CSMD1: variants seen among roughly 807,000 people sequenced by gnomAD.
The protein encoded by CSMD1 is CUB and Sushi multiple domains 1.
Under a neutral mutation model 417.5 loss-of-function variants are expected in CSMD1, and 213 were observed. The observed-to-expected ratio is 0.51, with a 90% CI of 0.46 to 0.57. CSMD1 has a LOEUF of 0.57. Ranked by LOEUF, CSMD1 falls within the 20% of genes least tolerant of loss-of-function variation. The probability of loss-of-function intolerance (pLI) is 0.00; values close to 1 mark genes in which losing one functional copy is unlikely to be tolerated. For missense variants in CSMD1, 6,923 were observed against 4,529.7 expected, an observed-to-expected ratio of 1.53 and a Z score of -15.17; for synonymous variants, 2,862 against 1,736.8, an observed-to-expected ratio of 1.65 and a Z score of -16.11.
At chr8:4,016,904 C>G (rs1327436713) in intron 4 of CSMD1, among the ~76,000 whole-genome samples, 1 of 152,168 alleles carries the variant, frequency 6.6e-6, no homozygotes, top group African/African-American at 2.4e-5. Context: ...AACACAATCC[C>G]AAATGCCATA....
At chr8:4,982,179 T>G (rs935854654) in intron 1 of CSMD1, among the ~76,000 whole-genome samples, 1 of 152,208 alleles carries the variant, frequency 6.6e-6, no homozygotes, top group African/African-American at 2.4e-5. Context: ...TGCCAAGCCA[T>G]GCACAGACCC....
chr8:3,998,246 A>C, intron 4 of CSMD1, 136 bp from the exon 5 acceptor site: 1 of 687,336 alleles, frequency 1.5e-6, no homozygotes, highest in East Asian at 2.7e-5. Flanking sequence ...TCTGAAAAAG[A>C]ATCTTTTGGT....
intron 3 of CSMD1, among the ~76,000 whole-genome samples, chr8:4,370,151 A>G (rs1015294431): frequency 6.6e-6 from 1 of 151,632 alleles, no homozygotes; most frequent in Admixed American, 6.6e-5. Context: ...TCAACAAATT[A>G]CCTTAGCTTT....
At chr8:3,341,317 A>G (rs192517285) in intron 23 of CSMD1, among the ~76,000 whole-genome samples, 3 of 152,182 alleles carry the variant, frequency 2.0e-5, no homozygotes, top group Non-Finnish European at 4.4e-5. Flanking sequence ...AGAATTATGG[A>G]AACAGCTCAG....
At chr8:3,651,555 G>A (rs1213544554) in intron 7 of CSMD1, among the ~76,000 whole-genome samples, 2 of 152,092 alleles carry the variant, frequency 1.3e-5, no homozygotes, top group African/African-American at 4.8e-5. Context: ...TATTAATGAG[G>A]TCTTGGCTGG....
At chr8:4,515,828 A>C (rs1803086557) in intron 2 of CSMD1, among the ~76,000 whole-genome samples, 1 of 152,174 alleles carries the variant, frequency 6.6e-6, no homozygotes, top group South Asian at 2.1e-4. Flanking sequence ...TTATTTCTTC[A>C]TTGCAGGCTG....
intron 18 of CSMD1, 63 bp downstream of exon 18, chr8:3,387,431 G>A (rs1811073141): frequency 2.2e-6 from 3 of 1,394,340 alleles, no homozygotes; most frequent in Non-Finnish European, 2.9e-6. Context: ...CACCCAGCTA[G>A]TTAGACGTGT....
chr8:3,174,345 A>G (rs533617639), intron 37 of CSMD1, among the ~76,000 whole-genome samples: 29 of 152,252 alleles, frequency 1.9e-4, no homozygotes, highest in South Asian at 6.2e-4. Context: ...AATACAAAAA[A>G]TTAGCTGGGT....
intron 37 of CSMD1, among the ~76,000 whole-genome samples, chr8:3,162,820 A>T (rs1260154838): frequency 6.6e-6 from 1 of 152,164 alleles, no homozygotes; most frequent in Non-Finnish European, 1.5e-5. Flanking sequence ...TTCATTAAAC[A>T]GAAACAATAT....
chr8:4,060,936 A>G (rs1248841215), intron 3 of CSMD1, among the ~76,000 whole-genome samples: 1 of 152,220 alleles, frequency 6.6e-6, no homozygotes, highest in Non-Finnish European at 1.5e-5. Context: ...AAACCAACAT[A>G]GAAGCTTCTC....
At position 4,080,612 on chromosome 8, in the gene CSMD1, G is replaced by A. The variant is rs943980438; in HGVS notation, c.416-48513C>T. On this transcript the variant is annotated intron_variant, in intron 3 of 69. Transcript: ENST00000635120. Reference sequence around the variant, plus strand: ...TGTCATAGTTTTTATATTCCTTTCTGGAGTTTAGAAGCTAAATTTTATCAG... The same window carrying A: ...TGTCATAGTTTTTATATTCCTTTCTAGAGTTTAGAAGCTAAATTTTATCAG... Among the ~76,000 whole-genome samples, 15 of 152,220 alleles carry A rather than the reference G, an allele frequency of 9.9e-5. No individual in the cohort carries two copies. In the South Asian group the frequency reaches 1.7e-3, roughly 17 times the overall value.
At chr8:4,028,846 T>C (rs1797198723) in intron 4 of CSMD1, among the ~76,000 whole-genome samples, 1 of 152,248 alleles carries the variant, frequency 6.6e-6, no homozygotes, top group African/African-American at 2.4e-5. Context: ...ATGCTTTTAA[T>C]TTTGTACTCA....
chr8:4,165,413 C>T (rs1329656209), intron 3 of CSMD1, among the ~76,000 whole-genome samples: 6 of 152,344 alleles, frequency 3.9e-5, no homozygotes, highest in African/African-American at 1.4e-4. Context: ...ATATAAGCAT[C>T]ATGTTTTGTT....
chr8:4,059,750 T>C (rs867725710), intron 3 of CSMD1, among the ~76,000 whole-genome samples: 2 of 151,990 alleles, frequency 1.3e-5, no homozygotes, highest in South Asian at 2.1e-4. Context: ...CAGGAAGAAG[T>C]TGAATCTCTG....
At chr8:4,229,358 CCAT>C (rs1331902649) in intron 3 of CSMD1, among the ~76,000 whole-genome samples, 2 of 152,178 alleles carry the variant, frequency 1.3e-5, no homozygotes, top group Non-Finnish European at 2.9e-5. Context: ...CACTTTTGTG[CCAT>C]CATCAACAAA....
At position 3,181,100 on chromosome 8, in the gene CSMD1, T is replaced by C. The variant is rs1289019389; in HGVS notation, c.5725+10A>G. The C allele has an allele frequency of 2.5e-6, 4 of 1,579,652 alleles. No individual in the cohort carries two copies. Among genetic ancestry groups the C allele is most frequent in the East Asian group, 2.2e-5 (1 of 44,726 alleles). On this transcript the variant is annotated intron_variant, in intron 37 of 69. Coordinates refer to ENST00000635120, the MANE Select transcript of CSMD1 (RefSeq NM_033225.6). ...CAGTGGAAGCTGTATACAGAAAGAG[T>C]TGACCTTACTTTTGTATTCCAGGTG...
At chr8:4,055,947 A>C (rs190352638) in intron 3 of CSMD1, among the ~76,000 whole-genome samples, 141 of 152,280 alleles carry the variant, frequency 9.3e-4, no homozygotes, top group African/African-American at 3.1e-3. Context: ...AATTACACTT[A>C]AAATGAAACA....
At chr8:4,987,887 T>G (rs932265512) in intron 1 of CSMD1, among the ~76,000 whole-genome samples, 2 of 152,220 alleles carry the variant, frequency 1.3e-5, no homozygotes, top group East Asian at 3.9e-4. Flanking sequence ...CCTATTGGAC[T>G]CTTGGACTTA....
At chr8:3,990,171 G>C (rs1814637016) in intron 5 of CSMD1, among the ~76,000 whole-genome samples, 1 of 151,962 alleles carries the variant, frequency 6.6e-6, no homozygotes, top group South Asian at 2.1e-4. Context: ...CAGGATTAAG[G>C]GCCACATACA....
Sources: allele counts gnomAD v4.1 joint callset (sites outside exome capture counted in the v4.1 genomes callset), GRCh38; gene constraint gnomAD v4.1.1; transcripts MANE v1.5; gene names NCBI Gene and HGNC (gene_info 2026-07-23, HGNC 2026-07-21).